The following RASEF variants were observed in gnomAD, a reference collection of about 807,000 sequenced individuals.
RASEF encodes RAS and EF-hand domain containing.
RASEF carries 68 observed loss-of-function variants against 90.1 expected under a neutral mutation model. That is an observed-to-expected ratio of 0.75 (90% CI 0.62 to 0.92). The LOEUF is 0.92. Among genes scored for constraint, RASEF ranks in the 40% least tolerant of loss-of-function variants. RASEF has a pLI of 0.00. For missense variants in RASEF, 949 were observed against 937.2 expected, an observed-to-expected ratio of 1.01 and a Z score of -0.16; for synonymous variants, 331 against 345.2, an observed-to-expected ratio of 0.96 and a Z score of 0.46.
the RASEF span, among the ~76,000 whole-genome samples, chr9:83,162,334 T>G: frequency 1.3e-5 from 2 of 152,100 alleles, no homozygotes; most frequent in Non-Finnish European, 2.9e-5. Flanking sequence ...CATAAAAAAA[T>G]TACATTCTTC....
chr9:83,130,416 A>G, the RASEF span, among the ~76,000 whole-genome samples: 2 of 152,174 alleles, frequency 1.3e-5, no homozygotes, highest in Non-Finnish European at 2.9e-5. Flanking sequence ...ACATGGACAC[A>G]TCATTATCAT....
chr9:83,074,067 T>C, the RASEF span, among the ~76,000 whole-genome samples: 5 of 152,208 alleles, frequency 3.3e-5, no homozygotes, highest in Non-Finnish European at 5.9e-5. Flanking sequence ...TGGCAGAAAC[T>C]CTATTTTCCT....
the RASEF span, among the ~76,000 whole-genome samples, chr9:83,090,973 T>C: frequency 6.6e-6 from 1 of 152,164 alleles, no homozygotes; most frequent in South Asian, 2.1e-4. Context: ...AGTTAGCTTA[T>C]GGTTAGCTAC....
the RASEF span, among the ~76,000 whole-genome samples, chr9:83,102,614 C>T: frequency 3.4e-4 from 51 of 152,124 alleles, 1 homozygote; most frequent in Admixed American, 1.8e-3. Flanking sequence ...CACACGAGTT[C>T]AGGCAGGAGA....
At chr9:83,165,414 A>G in the RASEF span, among the ~76,000 whole-genome samples, 1 of 152,180 alleles carries the variant, frequency 6.6e-6, no homozygotes, top group Non-Finnish European at 1.5e-5. Context: ...CCACTGGTCT[A>G]AGAAGAAATC....
At chr9:83,169,350 TACACACACACACACACACACACAC>T in the RASEF span, among the ~76,000 whole-genome samples, 2 of 145,994 alleles carry the variant, frequency 1.4e-5, no homozygotes, top group Non-Finnish European at 3.0e-5. Context: ...CTGATTTCCA[TACACACACACACACACACACACAC>T]ACACACACAC....
Position 83,062,647 on chromosome 9 carries a change from G to A in RASEF, c.221C>T (p.Ser74Phe), listed in dbSNP as rs140897785. The change falls in exon 1 of 17, where the codon TCC becomes TTC. Residue 74 changes from serine to phenylalanine, a missense_variant. By Grantham distance (155) the Ser-to-Phe change is radical. Coordinates refer to ENST00000376447, the MANE Select transcript of RASEF (RefSeq NM_152573.4). ...GTCCCGGCGCCGCCCCCCGCGGAGG[G>A]ACCCGAGGAAGCCACGCGCGAACTC... ...FQEFARGFLG[S>F]LRGGRRRDWG... The A allele has an allele frequency of 0.013, 20,427 of 1,559,272 alleles. 160 individuals are homozygous for A. The highest frequency in any genetic ancestry group is 0.016 in the Middle Eastern group (96 of 5,952).
At chr9:83,194,841 T>C in the RASEF span, among the ~76,000 whole-genome samples, 1 of 152,240 alleles carries the variant, frequency 6.6e-6, no homozygotes, top group Non-Finnish European at 1.5e-5. Flanking sequence ...ATTACTCCTG[T>C]GCCCCTTTGA....
At position 82,980,815 on chromosome 9, in the gene RASEF, A is replaced by ATTC. The variant is rs1384268417; in HGVS notation, c.*1861_*1862insGAA. ...TCCCATATGCAAGACATTCTTTATG[A>ATTC]TCAGAAATGTAATCTTTTCTTTTTC... On this transcript the variant is annotated 3_prime_UTR_variant, in exon 17 of 17. Transcript: ENST00000376447. 1 of 152,220 alleles carries ATTC rather than the reference A, an allele frequency of 6.6e-6. No individual in the cohort carries two copies. Among genetic ancestry groups the ATTC allele is most frequent in the Non-Finnish European group, 1.5e-5 (1 of 68,044 alleles). The allele number at this position is 152,220 out of a possible 1,614,324, so 9.4% of individuals were successfully genotyped here.
rs762067279 is a variant in RASEF at position 82,982,693 on chromosome 9, T to A, written c.2207A>T (p.Asn736Ile). ...TNSKKSPQMK[N>I]CCNG ...GTTTGGGATTTAGCCATTGCAACAA[T>A]TCTTCATCTGTGGTGACTTTTTGGA... The change falls in exon 17 of 17, where the codon AAT becomes ATT. Residue 736 changes from asparagine (N) to isoleucine (I), a missense_variant. This residue lies in a region of RASEF where 288 missense variants were observed against 328.4 expected (regional missense o/e 0.88). Coordinates refer to ENST00000376447, the MANE Select transcript of RASEF (RefSeq NM_152573.4). 26 of 1,590,064 alleles carry A rather than the reference T, an allele frequency of 1.6e-5. No homozygotes were observed. Among genetic ancestry groups the A allele is most frequent in the Non-Finnish European group, 2.2e-5 (25 of 1,158,260 alleles).
chr9:83,029,478 C>T (rs1276060128), intron 1 of RASEF, among the ~76,000 whole-genome samples: 7 of 151,470 alleles, frequency 4.6e-5, no homozygotes, highest in South Asian at 2.1e-4. Flanking sequence ...CTGCAACCTC[C>T]GCCTCCCAGG....
the RASEF span, among the ~76,000 whole-genome samples, chr9:83,210,183 C>A: frequency 6.6e-6 from 1 of 152,152 alleles, no homozygotes; most frequent in Non-Finnish European, 1.5e-5. Context: ...TTTTGCAATG[C>A]ATTCTGCAGA....
At chr9:83,024,682 G>C (rs879443717) in intron 2 of RASEF, among the ~76,000 whole-genome samples, 4 of 152,202 alleles carry the variant, frequency 2.6e-5, no homozygotes, top group Admixed American at 2.6e-4. Context: ...CTTGTGAATA[G>C]ATCAACCTTG....
chr9:83,104,209 T>A, the RASEF span, among the ~76,000 whole-genome samples: 1 of 152,212 alleles, frequency 6.6e-6, no homozygotes, highest in Admixed American at 6.5e-5. Context: ...AGATTTTGGC[T>A]TTACGTAAGA....
chr9:83,058,384 G>A (rs1482565361), intron 1 of RASEF, among the ~76,000 whole-genome samples: 6 of 147,852 alleles, frequency 4.1e-5, no homozygotes, highest in South Asian at 2.1e-4. Context: ...GGGTTTCACC[G>A]TGTTAGCCAG....
At chr9:83,166,023 C>A in the RASEF span, among the ~76,000 whole-genome samples, 1 of 152,068 alleles carries the variant, frequency 6.6e-6, no homozygotes, top group Admixed American at 6.6e-5. Context: ...AGTTTATAAT[C>A]TTCTGAAAGA....
chr9:83,154,900 G>C, the RASEF span, among the ~76,000 whole-genome samples: 2 of 152,150 alleles, frequency 1.3e-5, no homozygotes, highest in Admixed American at 6.5e-5. Context: ...TCCTACTTTA[G>C]AATGAAAAAA....
chr9:83,068,803 TAAA>T, the RASEF span, among the ~76,000 whole-genome samples: 9 of 152,174 alleles, frequency 5.9e-5, no homozygotes, highest in Admixed American at 2.0e-4. Flanking sequence ...TTTGTTTTCT[TAAA>T]GAAGAAAAAA....
At position 82,982,385 on chromosome 9, in the gene RASEF, ATTTCTTTTCTTTTCT is replaced by A. The variant is rs10538467; in HGVS notation, c.*277_*291del. 414 of 212,206 alleles carry A rather than the reference ATTTCTTTTCTTTTCT, an allele frequency of 2.0e-3. 1 individual carries two copies. The highest frequency in any genetic ancestry group is 3.4e-3 in the Middle Eastern group (2 of 582). 13.1% of individuals were successfully genotyped at this position (212,206 alleles called of 1,614,324 possible). ...TCTACAGCTTTGATCTGAGCATGTG[ATTTCTTTTCTTTTCT>A]TTTTTTTTACCATTTTAAAAACATT... On this transcript the variant is annotated 3_prime_UTR_variant, in exon 17 of 17. Transcript: ENST00000376447.
Sources: gnomAD v4.1 joint callset for allele counts (sites outside exome capture counted in the v4.1 genomes callset) on GRCh38, gnomAD v4.1.1 for gene constraint, gnomAD v4.1.1 regional missense constraint, MANE v1.5 for transcripts, NCBI Gene and HGNC (gene_info 2026-07-23, HGNC 2026-07-21) for gene names.